ATL3: variants seen among roughly 807,000 people sequenced by gnomAD.
The protein encoded by ATL3 is atlastin GTPase 3, also known as atlastin-3.
A neutral mutation model predicts 69.5 loss-of-function variants in ATL3; 49 were observed. The observed-to-expected ratio is 0.71, with a 90% CI of 0.56 to 0.89. The LOEUF (loss-of-function observed/expected upper bound fraction) is 0.89. ATL3 is among the 40% of genes least tolerant of loss of function. ATL3 has a pLI of 0.00. For missense variants in ATL3, 606 were observed against 645.7 expected (o/e 0.94, Z 0.67); for synonymous variants, 214 against 224.1 (o/e 0.95, Z 0.40).
At position 63,628,834 on chromosome 11, in the gene ATL3, CAA is replaced by C. The variant is rs551769719; in HGVS notation, c.*483_*484del. 5.5e-4 allele frequency: 34 copies of C among 61,714 alleles called. No individual in the cohort carries two copies. Among genetic ancestry groups the C allele is most frequent in the Admixed American group, 9.5e-4 (5 of 5,248 alleles). The allele number at this position is 61,714 out of a possible 1,614,324, so 3.8% of individuals were successfully genotyped here. ...CTGGTGACAGAGCGAGACTCCAACTCAAAAAAAAAAAAAAAAAAAAAAAGAAT... is the reference window on the plus strand; with the variant it reads ...CTGGTGACAGAGCGAGACTCCAACTCAAAAAAAAAAAAAAAAAAAAAGAAT... On this transcript the variant is annotated 3_prime_UTR_variant, in exon 13 of 13. Transcript: ENST00000398868.
intron 3 of ATL3, among the ~76,000 whole-genome samples, chr11:63,654,553 A>G (rs1173893724): frequency 6.6e-6 from 1 of 151,072 alleles, no homozygotes; most frequent in African/African-American, 2.4e-5. Context: ...ATGAGCCACC[A>G]TGCCCGGCTA....
At chr11:63,655,540 C>T (rs188096018) in intron 3 of ATL3, among the ~76,000 whole-genome samples, 73 of 151,650 alleles carry the variant, frequency 4.8e-4, no homozygotes, top group African/African-American at 1.6e-3. Flanking sequence ...CTCCACCTCC[C>T]GGGTTCCAGC....
intron 8 of ATL3, among the ~76,000 whole-genome samples, chr11:63,639,094 C>T (rs775672727): frequency 1.1e-4 from 16 of 152,126 alleles, no homozygotes; most frequent in Admixed American, 2.0e-4. Flanking sequence ...ATAATGCCTA[C>T]CCTTTTTTTT....
intron 5 of ATL3, chr11:63,650,421 C>T (rs1437416959): frequency 6.6e-6 from 1 of 152,030 alleles, no homozygotes; most frequent in African/African-American, 2.4e-5. Context: ...GAGAGGAAAA[C>T]CTAATGATTT....
intron 5 of ATL3, chr11:63,650,816 C>A (rs1038131765): frequency 6.6e-6 from 1 of 152,054 alleles, no homozygotes; most frequent in Non-Finnish European, 1.5e-5. Flanking sequence ...AAATGGTGAC[C>A]AACTCAAGTT....
rs1340528940 is a variant in ATL3 at position 63,659,218 on chromosome 11, C to A, written c.81G>T (p.Val27=). The stretch of plus-strand genomic sequence containing the variant: ...GATCTTTCTGAACCAAAACAACCTG[C>A]ACTGGACCAGGCTTGCTGCTCTCCA... ...DAMESSKPGP[V]QVVLVQKDQH... The change falls in exon 2 of 13, where the codon GTG becomes GTT. Residue 27 remains valine, a synonymous_variant. Coordinates refer to ENST00000398868, the MANE Select transcript of ATL3 (RefSeq NM_015459.5). 2.5e-6 allele frequency: 4 copies of A among 1,614,122 alleles called. No individual in the cohort carries two copies. The South Asian group carries it at 4.4e-5, about 18-fold the overall frequency.
intron 1 of ATL3, among the ~76,000 whole-genome samples, chr11:63,665,815 A>G (rs1351930962): frequency 6.6e-6 from 1 of 151,956 alleles, no homozygotes; most frequent in African/African-American, 2.4e-5. Flanking sequence ...CAGAGGTTGC[A>G]GTAAGTCAAC....
chr11:63,644,354 A>G, intron 6 of ATL3, 93 bp from the exon 7 acceptor site: 1 of 736,416 alleles, frequency 1.4e-6, no homozygotes, highest in Non-Finnish European at 2.3e-6. Context: ...GCCAGCTTCT[A>G]CAAAGGGGGT....
At chr11:63,664,134 G>C (rs1254935552) in intron 1 of ATL3, among the ~76,000 whole-genome samples, 1 of 152,178 alleles carries the variant, frequency 6.6e-6, no homozygotes, top group Non-Finnish European at 1.5e-5. Flanking sequence ...CTTATTTGGA[G>C]GCTCCATCAA....
chr11:63,650,327 CTTTT>C (rs1444753138), intron 5 of ATL3, among the ~76,000 whole-genome samples: 3 of 152,018 alleles, frequency 2.0e-5, no homozygotes, highest in Non-Finnish European at 4.4e-5. Context: ...CCATATAGAT[CTTTT>C]TTAAGTTTAT....
rs200747906 is a variant in ATL3, at chr11:63,643,503, T to C, written c.712-8A>G. On this transcript the variant is annotated splice_region_variant and splice_polypyrimidine_tract_variant and intron_variant, in intron 7 of 12. Coordinates refer to ENST00000398868, the MANE Select transcript of ATL3 (RefSeq NM_015459.5). ...ATGTTGATGTTCCTTCACCTGCCAA[T>C]GAAGACCAAGAATTTACCAACCAAA... 806 of 1,602,972 alleles carry C rather than the reference T, an allele frequency of 5.0e-4. 3 individuals carry two copies. The highest frequency in any genetic ancestry group is 8.5e-4 in the Middle Eastern group (5 of 5,874).
chr11:63,656,068 C>G (rs1334221934), intron 3 of ATL3, among the ~76,000 whole-genome samples: 103 of 151,902 alleles, frequency 6.8e-4, no homozygotes, highest in Non-Finnish European at 7.4e-5. Flanking sequence ...ACTAAAAATA[C>G]AAAAACTTAG....
chr11:63,643,285 G>A, intron 8 of ATL3, 72 bp downstream of exon 8: 2 of 1,433,148 alleles, frequency 1.4e-6, no homozygotes, highest in Non-Finnish European at 1.9e-6. Flanking sequence ...GCATTCACTT[G>A]ATTTGTAAGT....
At chr11:63,644,847 A>G (rs1939816432) in intron 6 of ATL3, among the ~76,000 whole-genome samples, 1 of 152,208 alleles carries the variant, frequency 6.6e-6, no homozygotes, top group Non-Finnish European at 1.5e-5. Flanking sequence ...TAAATTTGGG[A>G]CTCTGCCTTA....
chr11:63,637,153 T>G (rs1207245986), intron 8 of ATL3, among the ~76,000 whole-genome samples: 1 of 151,836 alleles, frequency 6.6e-6, no homozygotes. Context: ...GGCGGGCACC[T>G]GTAATCCCAG....
At chr11:63,655,535 C>T (rs1391465002) in intron 3 of ATL3, among the ~76,000 whole-genome samples, 3 of 151,570 alleles carry the variant, frequency 2.0e-5, no homozygotes, top group African/African-American at 7.3e-5. Flanking sequence ...GCAACCTCCA[C>T]CTCCCGGGTT....
intron 1 of ATL3, among the ~76,000 whole-genome samples, chr11:63,665,653 T>G (rs574343819): frequency 2.0e-5 from 3 of 151,956 alleles, no homozygotes; most frequent in African/African-American, 7.2e-5. Context: ...TTTTGGGAGG[T>G]TGAGGCAGGC....
At position 63,643,392 on chromosome 11, in the gene ATL3, A is replaced by G; in HGVS notation, c.815T>C (p.Val272Ala). The G allele has an allele frequency of 6.2e-7, 1 of 1,610,808 alleles. No individual in the cohort carries two copies. Among genetic ancestry groups the G allele is most frequent in the Non-Finnish European group, 8.5e-7 (1 of 1,178,440 alleles). Residue 272 changes from valine to alanine, a missense_variant, in exon 8 of 13, where the codon GTG (valine) becomes GCG (alanine). Physicochemically the swap from Val to Ala is moderately conservative, Grantham distance 64 (BLOSUM62 0). Transcript: ENST00000398868. ...CCCATCAAAGTCAGGGCTTGTGGCC[A>G]CCTGGAGTCCTGGATGTGGTAAGAG... is the stretch of plus-strand genomic sequence containing the variant. The part of the protein sequence containing the change: ...CFLLPHPGLQ[V>A]ATSPDFDGKL...
intron 10 of ATL3, among the ~76,000 whole-genome samples, chr11:63,634,019 A>G (rs1447536711): frequency 7.4e-6 from 1 of 135,910 alleles, no homozygotes. Context: ...TGAGCAATAG[A>G]GCAAGACTCT....
Sources: gnomAD v4.1 joint callset for allele counts (sites outside exome capture counted in the v4.1 genomes callset) on GRCh38, gnomAD v4.1.1 for gene constraint, MANE v1.5 for transcripts, NCBI Gene and HGNC (gene_info 2026-07-23, HGNC 2026-07-21) for gene names.